Variants in SDS observed in about 807,000 individuals in gnomAD.
SDS encodes the protein L-serine dehydratase/L-threonine deaminase.
Under a neutral mutation model 29.3 loss-of-function variants are expected in SDS, and 19 were observed. The observed-to-expected ratio is 0.65, with a 90% confidence interval of 0.45 to 0.95. SDS has a LOEUF of 0.95. SDS is among the 40% of genes least tolerant of loss of function. The pLI, the probability that SDS is intolerant of heterozygous loss-of-function variation, is 0.00. For missense variants in SDS, 375 were observed against 439.9 expected, an observed-to-expected ratio of 0.85 and a Z score of 1.32; for synonymous variants, 176 against 189.0, an observed-to-expected ratio of 0.93 and a Z score of 0.56.
At chr12:113,400,477 A>G (rs1041918288) in intron 1 of SDS, among the ~76,000 whole-genome samples, 1 of 151,760 alleles carries the variant, frequency 6.6e-6, no homozygotes, top group Non-Finnish European at 1.5e-5. Context: ...TGTCTCAAAA[A>G]AAAAAAAGAA....
At position 113,392,693 on chromosome 12, in the gene SDS, C is replaced by T; in HGVS notation, c.*248G>A. ...GTACCTGGTGTGTTACTTGTGGGCA[C>T]TTGTCACGCCAGCAAGTTGGCTAAG... On this transcript the variant is annotated 3_prime_UTR_variant, in exon 8 of 8. Coordinates refer to ENST00000257549, the MANE Select transcript of SDS (RefSeq NM_006843.3). 2.0e-6 allele frequency: 1 copy of T among 499,284 alleles called. No homozygotes were observed. Among genetic ancestry groups the T allele is most frequent in the Non-Finnish European group, 3.6e-6 (1 of 280,846 alleles). 30.9% of individuals were successfully genotyped at this position (499,284 alleles called of 1,614,324 possible).
chr12:113,400,894 C>CG (rs34954765), intron 1 of SDS, among the ~76,000 whole-genome samples: 4,397 of 152,196 alleles, frequency 0.029, 89 homozygotes, highest in Middle Eastern at 0.088. Context: ...TGACTCACAC[C>CG]TGTAATCCCA....
rs1016301787 is a variant in SDS at position 113,393,270 on chromosome 12, C to G, written c.779-121G>C. 5 of 972,278 alleles carry G rather than the reference C, an allele frequency of 5.1e-6. No homozygotes were observed. The African/African-American group carries it at 8.1e-5, about 16-fold the overall frequency. The allele number at this position is 972,278 out of a possible 1,614,324, so 60.2% of individuals were successfully genotyped here. ...ATCAGCTCTCAGCCCTGGCTGCAGC[C>G]GCAGGTCCTGAACCAAACGTCCCGT... is the stretch of plus-strand genomic sequence containing the variant. On this transcript the variant is annotated intron_variant, in intron 7 of 7. Transcript: ENST00000257549.
At chr12:113,397,125 T>C (rs1957651727) in intron 6 of SDS, 40 bp downstream of exon 6, 1 of 1,566,352 alleles carries the variant, frequency 6.4e-7, no homozygotes, top group African/African-American at 1.3e-5. Context: ...GACTCCCCAG[T>C]GCTTGCTGGA....
Position 113,398,753 on chromosome 12 carries a change from A to G in SDS, c.287T>C (p.Ile96Thr). ...VVPSTTPALT[I>T]ERLKNEGATV... ...GGCACCTTCATTCTTGAGGCGCTCAATGGTGAGAGCAGGTGTGGTGCTGGG... is the reference window on the plus strand; with the variant it reads ...GGCACCTTCATTCTTGAGGCGCTCAGTGGTGAGAGCAGGTGTGGTGCTGGG... The change falls in exon 4 of 8, where the codon ATT (isoleucine) becomes ACT (threonine). Residue 96 changes from isoleucine to threonine, a missense_variant. Physicochemically the swap from Ile to Thr is moderately conservative, Grantham distance 89 (BLOSUM62 -1). Coordinates refer to ENST00000257549, the MANE Select transcript of SDS (RefSeq NM_006843.3). 2 of 1,614,184 alleles carry G rather than the reference A, an allele frequency of 1.2e-6. No homozygotes were observed. The highest frequency in any genetic ancestry group is 1.7e-6 in the Non-Finnish European group (2 of 1,180,026).
intron 1 of SDS, among the ~76,000 whole-genome samples, chr12:113,402,068 GA>G (rs1957687122): frequency 6.6e-6 from 1 of 152,110 alleles, no homozygotes; most frequent in African/African-American, 2.4e-5. Context: ...GAGGGGTGGG[GA>G]TTCCAACTGC....
At chr12:113,401,881 C>A (rs990406649) in intron 1 of SDS, among the ~76,000 whole-genome samples, 5 of 152,192 alleles carry the variant, frequency 3.3e-5, no homozygotes, top group Admixed American at 1.3e-4. Context: ...TGACGATGGC[C>A]AAGGGGCTCT....
chr12:113,398,478 C>T, intron 5 of SDS, 37 bp downstream of exon 5: 1 of 1,385,512 alleles, frequency 7.2e-7, no homozygotes, highest in Non-Finnish European at 1.0e-6. Flanking sequence ...AGGGCAGTGG[C>T]TGCCACCCCC....
intron 6 of SDS, among the ~76,000 whole-genome samples, chr12:113,396,466 CT>C (rs1226126785): frequency 8.3e-6 from 1 of 121,202 alleles, no homozygotes; most frequent in African/African-American, 3.2e-5. Context: ...TCTCTTTCTC[CT>C]TTTTTCTTTC....
At chr12:113,400,278 C>A (rs887579924) in intron 1 of SDS, among the ~76,000 whole-genome samples, 1 of 147,916 alleles carries the variant, frequency 6.8e-6, no homozygotes, top group African/African-American at 2.5e-5. Flanking sequence ...GGTGACAGAG[C>A]AAGACTCTGT....
In SDS at chr12:113,392,883, C is replaced by G. The variant is rs968309106; in HGVS notation, c.*58G>C. ...ATACGACGAGGCGCTGGATAAAACT[C>G]CAGCCCCTCCAGGGGTCTCTTGGGC... On this transcript the variant is annotated 3_prime_UTR_variant, in exon 8 of 8. Transcript: ENST00000257549. 2.0e-6 allele frequency: 3 copies of G among 1,522,478 alleles called. No individual in the cohort carries two copies. Among genetic ancestry groups the G allele is most frequent in the Middle Eastern group, 3.4e-4 (2 of 5,888 alleles). 94.3% of individuals were successfully genotyped at this position (1,522,478 alleles called of 1,614,324 possible). A position where few individuals can be genotyped will look rare whatever the true frequency, so the allele number is the denominator to read the frequency against.
rs1023956893 is a variant in SDS at position 113,396,419 on chromosome 12, TTC to T, written c.653+744_653+745del. ...TCCTTTCTTTCTCTTTTTTCTTTCTTTCTCTCTTTCTTTCTCTTTCTTTTTCT... is the reference window on the plus strand; with the variant it reads ...TCCTTTCTTTCTCTTTTTTCTTTCTTTCTCTTTCTTTCTCTTTCTTTTTCT... On this transcript the variant is annotated intron_variant, in intron 6 of 7. Transcript: ENST00000257549. Among the ~76,000 whole-genome samples, 340 of 151,238 alleles carry T rather than the reference TTC, an allele frequency of 2.2e-3. 2 individuals carry two copies. Among genetic ancestry groups the T allele is most frequent in the Middle Eastern group, 6.8e-3 (2 of 292 alleles).
intron 2 of SDS, 48 bp from the exon 3 acceptor site, chr12:113,399,199 C>T: frequency 2.5e-6 from 4 of 1,594,566 alleles, no homozygotes; most frequent in Non-Finnish European, 3.4e-6. Flanking sequence ...CCAGTCATTG[C>T]CTGTGCTCTT....
chr12:113,400,563 CCACA>C (rs1593299242), intron 1 of SDS, among the ~76,000 whole-genome samples: 1 of 151,654 alleles, frequency 6.6e-6, no homozygotes, highest in Non-Finnish European at 1.5e-5. Flanking sequence ...CATACTCCAT[CCACA>C]CACACACGAT....
rs1045548140 is a variant in SDS at position 113,399,684 on chromosome 12, C to T, written c.25G>A (p.Val9Met). 5.6e-6 allele frequency: 9 copies of T among 1,594,322 alleles called. No individual in the cohort carries two copies. Among genetic ancestry groups the T allele is most frequent in the East Asian group, 2.3e-5 (1 of 44,372 alleles). The change falls in exon 2 of 8, where the codon GTG becomes ATG. Residue 9 changes from valine to methionine, a missense_variant. Physicochemically the swap from Val to Met is conservative, Grantham distance 21. Transcript: ENST00000257549. ...ATGCTGTCACGGATGGGGGTCTTCA[C>T]GTGCAGGGGTTCTCCAGACATCATT... MMSGEPLH[V>M]KTPIRDSMAL...
Position 113,393,024 on chromosome 12 carries a change from CGAT to C in SDS, c.901_903del (p.Ile301del), listed in dbSNP as rs1456282111. On this transcript the variant is annotated inframe_deletion, in exon 8 of 8. Coordinates refer to ENST00000257549, the MANE Select transcript of SDS (RefSeq NM_006843.3). ...AGGCTGATGTTGCTGCCCCCGCAGACGATGACCACGAGGGATGGCAGCGGGGTT... is the reference window on the plus strand; with the variant it reads ...AGGCTGATGTTGCTGCCCCCGCAGACGACCACGAGGGATGGCAGCGGGGTT... 2.5e-6 allele frequency: 4 copies of C among 1,614,082 alleles called. No homozygotes were observed. Among genetic ancestry groups the C allele is most frequent in the Non-Finnish European group, 3.4e-6 (4 of 1,180,054 alleles).
chr12:113,392,746 C>A lies in SDS; in HGVS notation c.*195G>T. On this transcript the variant is annotated 3_prime_UTR_variant, in exon 8 of 8. Coordinates refer to ENST00000257549, the MANE Select transcript of SDS (RefSeq NM_006843.3). Reference sequence around the variant, plus strand: ...TGGGCACAGAGCAGTCACACAGATACCAAAAAGGTCCAATTCATAGCCTCG... The same window carrying A: ...TGGGCACAGAGCAGTCACACAGATAACAAAAAGGTCCAATTCATAGCCTCG... 1 of 640,728 alleles carries A rather than the reference C, an allele frequency of 1.6e-6. No homozygotes were observed. The highest frequency in any genetic ancestry group is 2.7e-6 in the Non-Finnish European group (1 of 364,168). The allele number at this position is 640,728 out of a possible 1,614,324, so 39.7% of individuals were successfully genotyped here. A position where few individuals can be genotyped will look rare whatever the true frequency, so the allele number is the denominator to read the frequency against.
At chr12:113,394,167 C>A in intron 6 of SDS, 151 bp from the exon 7 acceptor site, 1 of 710,474 alleles carries the variant, frequency 1.4e-6, no homozygotes, top group Non-Finnish European at 2.4e-6. Flanking sequence ...GCTGTAAAAC[C>A]CTGAAAAGCC....
chr12:113,396,516 C>T, intron 6 of SDS: 1 of 114,814 alleles, frequency 8.7e-6, no homozygotes, highest in Admixed American at 9.5e-5. Context: ...CTCCTTCCTT[C>T]CTTCTTTCCC....
Sources: allele counts gnomAD v4.1 joint callset (sites outside exome capture counted in the v4.1 genomes callset), GRCh38; gene constraint gnomAD v4.1.1; transcripts MANE v1.5; gene names NCBI Gene and HGNC (gene_info 2026-07-23, HGNC 2026-07-21).